Variants in SENP6 observed in about 807,000 individuals in gnomAD.
The protein encoded by SENP6 is SUMO specific peptidase 6, also known as sentrin-specific protease 6.
Under a neutral mutation model 134.5 loss-of-function variants are expected in SENP6, and 41 were observed. The ratio of observed to expected loss-of-function variants is 0.30; its 90% CI spans 0.24 to 0.40. The LOEUF is 0.40. Ranked by LOEUF, SENP6 falls within the 10% of genes least tolerant of loss-of-function variation. The probability of loss-of-function intolerance (pLI) is 1.00; values close to 1 mark genes in which losing one functional copy is unlikely to be tolerated. For missense variants in SENP6, 1,248 were observed against 1,312.5 expected (o/e 0.95, Z 0.76); for synonymous variants, 395 against 429.8 (o/e 0.92, Z 1.00).
rs774833035 is a variant in SENP6, at chr6:75,621,604, G to A, written c.125G>A (p.Ser42Asn). Reference sequence around the variant, plus strand: ...TGGAGCTTTGATCATGAAGAAGAAAGTGAAGGAGATACAGATAAAGAGTAA... The same window carrying A: ...TGGAGCTTTGATCATGAAGAAGAAAATGAAGGAGATACAGATAAAGAGTAA... ...NNWSFDHEEE[S>N]EGDTDKDGTN... Residue 42 changes from serine to asparagine, a missense_variant, in exon 2 of 24, where the codon AGT becomes AAT. Ser to Asn is a conservative substitution (Grantham distance 46, BLOSUM62 1). This residue lies in a region of SENP6 where 733 missense variants were observed against 725.4 expected (regional missense o/e 1.01). Coordinates refer to ENST00000447266, the MANE Select transcript of SENP6 (RefSeq NM_015571.4). 2.5e-6 allele frequency: 4 copies of A among 1,606,796 alleles called. No individual in the cohort carries two copies. The highest frequency in any genetic ancestry group is 3.4e-6 in the Non-Finnish European group (4 of 1,174,008).
chr6:75,648,825 C>G (rs1582762061), intron 7 of SENP6, among the ~76,000 whole-genome samples: 1 of 152,102 alleles, frequency 6.6e-6, no homozygotes, highest in East Asian at 1.9e-4. Context: ...TGTTGAAGAT[C>G]CCTATAAGCT....
At chr6:75,703,272 A>G (rs551739039) in intron 19 of SENP6, among the ~76,000 whole-genome samples, 200 bp downstream of exon 19, 1 of 152,176 alleles carries the variant, frequency 6.6e-6, no homozygotes, top group Non-Finnish European at 1.5e-5. Context: ...CGTGGGCAAC[A>G]TAGCGAGACC....
At chr6:75,670,470 A>G (rs1355500233) in intron 10 of SENP6, 83 bp from the exon 11 acceptor site, 61 of 871,558 alleles carry the variant, frequency 7.0e-5, no homozygotes, top group Admixed American at 9.9e-5. Context: ...CATTTCTTAT[A>G]TTGGGTCTTT....
At chr6:75,689,313 G>A (rs1448412391) in intron 16 of SENP6, among the ~76,000 whole-genome samples, 1 of 152,076 alleles carries the variant, frequency 6.6e-6, no homozygotes, top group Non-Finnish European at 1.5e-5. Flanking sequence ...TGGCCAAAAA[G>A]CATATGAAAG....
chr6:75,668,231 T>C (rs1370168233), intron 10 of SENP6, among the ~76,000 whole-genome samples: 1 of 152,148 alleles, frequency 6.6e-6, no homozygotes, highest in Non-Finnish European at 1.5e-5. Context: ...TGGATTAATA[T>C]TTTTATATAA....
chr6:75,707,361 T>A, intron 19 of SENP6, among the ~76,000 whole-genome samples: 1 of 86,302 alleles, frequency 1.2e-5, no homozygotes, highest in East Asian at 3.7e-4. Context: ...TCTTCTTTTT[T>A]TTTTTTTTTT....
chr6:75,677,112 T>C lies in SENP6; in HGVS notation c.1704T>C (p.Asn568=), dbSNP rs202019332. The change falls in exon 14 of 24, where the codon AAT becomes AAC. Residue 568 remains asparagine, a synonymous_variant. Transcript: ENST00000447266. ...PANMVFESII[N]EIGIKNNISN... is the part of the protein sequence containing the mutation. Reference sequence around the variant, plus strand: ...ATATGGTATTTGAAAGTATCATTAATGAAATTGGTATAAAGAATAACATCT... The same window carrying C: ...ATATGGTATTTGAAAGTATCATTAACGAAATTGGTATAAAGAATAACATCT... 1.2e-5 allele frequency: 19 copies of C among 1,609,222 alleles called. No homozygotes were observed. Among genetic ancestry groups the C allele is most frequent in the Admixed American group, 1.0e-4 (6 of 59,920 alleles).
At chr6:75,698,269 G>A (rs1364644098) in intron 18 of SENP6, among the ~76,000 whole-genome samples, 1 of 152,192 alleles carries the variant, frequency 6.6e-6, no homozygotes, top group Non-Finnish European at 1.5e-5. Context: ...TAAAGTAGTG[G>A]TTTGCCTAGG....
intron 9 of SENP6, among the ~76,000 whole-genome samples, chr6:75,665,800 G>A (rs1161853237): frequency 6.6e-6 from 1 of 152,016 alleles, no homozygotes; most frequent in Non-Finnish European, 1.5e-5. Context: ...GCTGAGGCAG[G>A]CGGATCACCT....
chr6:75,690,304 T>C (rs1292132656), intron 16 of SENP6, among the ~76,000 whole-genome samples: 1 of 152,232 alleles, frequency 6.6e-6, no homozygotes, highest in East Asian at 1.9e-4. Flanking sequence ...TGTCCATTGA[T>C]GAACGGATAA....
intron 5 of SENP6, among the ~76,000 whole-genome samples, chr6:75,638,970 A>C (rs1162880631): frequency 6.6e-6 from 1 of 152,078 alleles, no homozygotes; most frequent in African/African-American, 2.4e-5. Flanking sequence ...GAATCACCTG[A>C]GCCTAGGGAG....
In SENP6 at chr6:75,700,082, T is replaced by A. The variant is rs74360826; in HGVS notation, c.2289-2563T>A. ...CATGCCACAGGCCCAGCTAATTTTT[T>A]AAAATTTTTTTGGAGATGGGGTCTA... On this transcript the variant is annotated intron_variant, in intron 18 of 23. Coordinates refer to ENST00000447266, the MANE Select transcript of SENP6 (RefSeq NM_015571.4). 5.3e-3 allele frequency among the ~76,000 whole-genome samples: 804 copies of A among 152,186 alleles called. 15 individuals are homozygous for A. The East Asian group carries it at 0.064, about 12-fold the overall frequency.
At position 75,640,692 on chromosome 6, in the gene SENP6, AC is replaced by A; in HGVS notation, c.469del (p.Arg157GlufsTer19). 6.6e-7 allele frequency: 1 copy of A among 1,526,014 alleles called. No homozygotes were observed. The allele number at this position is 1,526,014 out of a possible 1,614,324, so 94.5% of individuals were successfully genotyped here. On this transcript the variant is annotated frameshift_variant, in exon 6 of 24. Transcript: ENST00000447266. LOFTEE classifies it high-confidence loss of function. ...VVKTAAQSSLDRKERKEYPPH... is the reference protein window; with the variant it reads ...VVKTAAQSSLXRKERKEYPPH... ...CTTTTTCATGTTTTAAGCAGTCTGG[AC>A]CGAAAAGAAAGGTAAGCTTAATATT...
chr6:75,668,001 T>G (rs1373281259), intron 10 of SENP6, among the ~76,000 whole-genome samples: 1 of 152,212 alleles, frequency 6.6e-6, no homozygotes, highest in Non-Finnish European at 1.5e-5. Flanking sequence ...TCTATATGTA[T>G]GTGTTTATAC....
At chr6:75,645,493 T>G (rs368035412) in intron 6 of SENP6, among the ~76,000 whole-genome samples, 2 of 152,264 alleles carry the variant, frequency 1.3e-5, no homozygotes, top group East Asian at 3.9e-4. Flanking sequence ...GGCGCACACG[T>G]GTAATCCCAG....
chr6:75,691,762 T>C (rs1774291082), intron 16 of SENP6, among the ~76,000 whole-genome samples: 1 of 151,952 alleles, frequency 6.6e-6, no homozygotes, highest in Non-Finnish European at 1.5e-5. Flanking sequence ...GCCTGGCTAA[T>C]TTTTTGTATT....
chr6:75,625,483 G>A (rs1045153744), intron 3 of SENP6, among the ~76,000 whole-genome samples: 3 of 151,966 alleles, frequency 2.0e-5, no homozygotes, highest in African/African-American at 7.2e-5. Context: ...ATTGCCATGG[G>A]GAAAATATAT....
rs1420864549 is a variant in SENP6, at chr6:75,695,727, ACT to A, written c.2076-74_2076-73del. On this transcript the variant is annotated intron_variant, in intron 16 of 23. Transcript: ENST00000447266. Reference sequence around the variant, plus strand: ...ACTCCAGCCTGGGCAACAGAGTGAGACTCTGTCTCAAAAAAATAGAAATAAAT... The same window carrying A: ...ACTCCAGCCTGGGCAACAGAGTGAGACTGTCTCAAAAAAATAGAAATAAAT... 1.8e-5 allele frequency: 23 copies of A among 1,247,144 alleles called. No individual in the cohort carries two copies. In the East Asian group the frequency reaches 4.3e-4, roughly 23 times the overall value. 77.3% of individuals were successfully genotyped at this position (1,247,144 alleles called of 1,614,324 possible).
chr6:75,602,533 C>A lies in SENP6; in HGVS notation c.9C>A (p.Ala3=). Residue 3 remains alanine, a synonymous_variant, in exon 1 of 24, where the codon GCC becomes GCA. Coordinates refer to ENST00000447266, the MANE Select transcript of SENP6 (RefSeq NM_015571.4). ...GGCGTGGGAGGAGGAAGATGGCGGC[C>A]GGCAAGAGCGGCGGTAGCGCAGGGG... MA[A]GKSGGSAGEI... 6.4e-7 allele frequency: 1 copy of A among 1,551,488 alleles called. No individual in the cohort carries two copies. The highest frequency in any genetic ancestry group is 8.7e-7 in the Non-Finnish European group (1 of 1,146,926).
Sources: gnomAD v4.1 joint callset for allele counts (sites outside exome capture counted in the v4.1 genomes callset) on GRCh38, gnomAD v4.1.1 for gene constraint, gnomAD v4.1.1 regional missense constraint, MANE v1.5 for transcripts, NCBI Gene and HGNC (gene_info 2026-07-23, HGNC 2026-07-21) for gene names.